Variants in GNG12 observed in about 807,000 individuals in gnomAD.
The protein encoded by GNG12 is guanine nucleotide-binding protein G(I)/G(S)/G(O) subunit gamma-12.
For missense variants in GNG12, 69 were observed against 83.8 expected (o/e 0.82, Z 0.69); for synonymous variants, 28 against 29.7 (o/e 0.94, Z 0.19).
intron 2 of GNG12, among the ~76,000 whole-genome samples, chr1:67,766,097 G>GGC (rs1293861000): frequency 2.2e-3 from 245 of 109,748 alleles, no homozygotes; most frequent in African/African-American, 8.7e-3. Context: ...AACAAAACAA[G>GGC]GCACACACGC....
Position 67,734,591 on chromosome 1 carries a change from T to C in GNG12, c.-26-26879A>G, listed in dbSNP as rs774229169. ...GACTTGAACCTACGTACTCTCTGGC[T>C]CCAAAGCCCTTGTATCTAGCCATCA... On this transcript the variant is annotated intron_variant, in intron 2 of 3. Transcript: ENST00000370982. 2.6e-4 allele frequency among the ~76,000 whole-genome samples: 39 copies of C among 152,170 alleles called. 1 individual carries two copies. Among genetic ancestry groups the C allele is most frequent in the Non-Finnish European group, 2.9e-5 (2 of 68,012 alleles).
chr1:67,730,899 T>C (rs1646415237), intron 2 of GNG12, among the ~76,000 whole-genome samples: 1 of 152,188 alleles, frequency 6.6e-6, no homozygotes, highest in Admixed American at 6.5e-5. Context: ...TCTTTACCCC[T>C]AAGGGGTCCA....
chr1:67,755,395 C>T (rs1301365763), intron 2 of GNG12, among the ~76,000 whole-genome samples: 1 of 152,162 alleles, frequency 6.6e-6, no homozygotes, highest in African/African-American at 2.4e-5. Flanking sequence ...TTATTAGGTA[C>T]AAATCTTGTT....
intron 2 of GNG12, among the ~76,000 whole-genome samples, chr1:67,744,942 G>A (rs1289055712): frequency 6.6e-6 from 1 of 152,176 alleles, no homozygotes; most frequent in East Asian, 1.9e-4. Flanking sequence ...GGTTTGACCA[G>A]CTCTGCCACC....
At chr1:67,829,344 T>A (rs1269857364) in intron 1 of GNG12, among the ~76,000 whole-genome samples, 2 of 152,232 alleles carry the variant, frequency 1.3e-5, no homozygotes, top group Non-Finnish European at 2.9e-5. Flanking sequence ...AATTAACTTG[T>A]TTAACAAATT....
At chr1:67,780,311 T>C (rs928227439) in intron 1 of GNG12, among the ~76,000 whole-genome samples, 3 of 152,176 alleles carry the variant, frequency 2.0e-5, no homozygotes, top group Admixed American at 6.5e-5. Context: ...AGTCAAATTG[T>C]AAACCCAGAC....
chr1:67,766,108 A>ACG (rs1441426687), intron 2 of GNG12, among the ~76,000 whole-genome samples: 33 of 40,590 alleles, frequency 8.1e-4, no homozygotes, highest in African/African-American at 2.1e-3. Flanking sequence ...GCACACACGC[A>ACG]CACACACACA....
chr1:67,816,779 C>T (rs941720274), intron 1 of GNG12, among the ~76,000 whole-genome samples: 2 of 152,194 alleles, frequency 1.3e-5, no homozygotes, highest in African/African-American at 4.8e-5. Context: ...CGACAACTCC[C>T]AGCTCACTAG....
intron 2 of GNG12, among the ~76,000 whole-genome samples, chr1:67,714,871 G>A (rs1351077750): frequency 6.6e-6 from 1 of 152,138 alleles, no homozygotes; most frequent in Non-Finnish European, 1.5e-5. Context: ...GACATAGATG[G>A]GGACAGAGAG....
intron 1 of GNG12, among the ~76,000 whole-genome samples, chr1:67,822,756 G>C (rs1006770630): frequency 6.6e-6 from 1 of 151,518 alleles, no homozygotes; most frequent in Non-Finnish European, 1.5e-5. Flanking sequence ...TTTTGATGGA[G>C]ATATAGGCTA....
At chr1:67,785,054 G>A (rs953815658) in intron 1 of GNG12, among the ~76,000 whole-genome samples, 4 of 152,158 alleles carry the variant, frequency 2.6e-5, no homozygotes, top group African/African-American at 9.7e-5. Flanking sequence ...CTTTCTCTGA[G>A]TCACAGGACC....
chr1:67,738,865 C>T (rs1557601356), intron 2 of GNG12, among the ~76,000 whole-genome samples: 1 of 152,148 alleles, frequency 6.6e-6, no homozygotes, highest in African/African-American at 2.4e-5. Context: ...GGCAACACAG[C>T]AACACCTTGG....
chr1:67,796,897 T>C (rs1027380313), intron 1 of GNG12, among the ~76,000 whole-genome samples: 2 of 152,190 alleles, frequency 1.3e-5, no homozygotes, highest in African/African-American at 4.8e-5. Flanking sequence ...CTTCCACTCA[T>C]GGTGAAAGGC....
At chr1:67,710,865 A>T (rs766262043) in intron 2 of GNG12, among the ~76,000 whole-genome samples, 1 of 152,142 alleles carries the variant, frequency 6.6e-6, no homozygotes, top group Non-Finnish European at 1.5e-5. Flanking sequence ...CATGCAACAC[A>T]TTTTTAATTG....
intron 2 of GNG12, among the ~76,000 whole-genome samples, chr1:67,724,661 A>ACC (rs1646376372): frequency 5.3e-5 from 8 of 152,192 alleles, no homozygotes; most frequent in Admixed American, 5.2e-4. Flanking sequence ...AAGTGCTGGG[A>ACC]TTACAGGTGT....
chr1:67,708,372 G>C (rs1318283650), intron 2 of GNG12, among the ~76,000 whole-genome samples: 1 of 152,346 alleles, frequency 6.6e-6, no homozygotes, highest in East Asian at 1.9e-4. Context: ...TGGGATATAT[G>C]AGTAGCCTAC....
intron 1 of GNG12, among the ~76,000 whole-genome samples, chr1:67,832,922 G>A (rs1168760852): frequency 1.3e-5 from 2 of 152,204 alleles, no homozygotes; most frequent in African/African-American, 2.4e-5. Context: ...AACACTGGGG[G>A]CCTCCCAACC....
chr1:67,771,330 C>T (rs560373305), intron 2 of GNG12, among the ~76,000 whole-genome samples: 4 of 152,326 alleles, frequency 2.6e-5, no homozygotes, highest in African/African-American at 9.6e-5. Flanking sequence ...CTCCTTGAGG[C>T]GGATATTTGA....
chr1:67,822,066 G>GAA lies in GNG12; in HGVS notation c.-77+11276_-77+11277dup, dbSNP rs11422955. ...ATACACTAACGATAGCTGATGAGCT[G>GAA]AAAAAAAAAATCGCAAAAAAAATCT... On this transcript the variant is annotated intron_variant, in intron 1 of 3. Transcript: ENST00000370982. Among the ~76,000 whole-genome samples the GAA allele has an allele frequency of 2.1e-3, 308 of 148,778 alleles. 1 individual carries two copies. Among genetic ancestry groups the GAA allele is most frequent in the African/African-American group, 6.9e-3 (280 of 40,536 alleles).
Sources: gnomAD v4.1 joint callset for allele counts (sites outside exome capture counted in the v4.1 genomes callset) on GRCh38, gnomAD v4.1.1 for gene constraint, MANE v1.5 for transcripts, NCBI Gene and HGNC (gene_info 2026-07-23, HGNC 2026-07-21) for gene names.